Variants in BRINP3 observed in about 807,000 individuals in gnomAD.
BRINP3 encodes the protein BMP/retinoic acid-inducible neural-specific protein 3.
A neutral mutation model predicts 71.0 loss-of-function variants in BRINP3; 19 were observed. That is an observed-to-expected ratio of 0.27 (90% CI 0.19 to 0.39). The LOEUF is 0.39. BRINP3 is among the 10% of genes least tolerant of loss of function. The probability of loss-of-function intolerance (pLI) is 1.00; values close to 1 mark genes in which losing one functional copy is unlikely to be tolerated. For synonymous variants in BRINP3, 380 were observed against 337.7 expected (o/e 1.13, Z -1.37); for missense variants, 959 against 940.8 (o/e 1.02, Z -0.25).
At chr1:190,362,734 A>C (rs1669229807) in intron 2 of BRINP3, among the ~76,000 whole-genome samples, 1 of 152,120 alleles carries the variant, frequency 6.6e-6, no homozygotes, top group Non-Finnish European at 1.5e-5. Context: ...TATAAGGGAA[A>C]ACCCCTTTTG....
chr1:190,141,234 A>G (rs1430151925), intron 7 of BRINP3, among the ~76,000 whole-genome samples: 3 of 152,074 alleles, frequency 2.0e-5, no homozygotes, highest in Admixed American at 2.0e-4. Context: ...AAATTTTGCC[A>G]TTAAGATATT....
chr1:190,202,703 T>TA (rs559419058), intron 6 of BRINP3, among the ~76,000 whole-genome samples: 3 of 152,042 alleles, frequency 2.0e-5, no homozygotes, highest in Admixed American at 6.6e-5. Context: ...CTGATGGTTT[T>TA]AAAAAATGGG....
intron 4 of BRINP3, among the ~76,000 whole-genome samples, chr1:190,242,548 C>T (rs190940431): frequency 3.7e-4 from 57 of 152,004 alleles, no homozygotes; most frequent in Non-Finnish European, 8.8e-5. Flanking sequence ...TGCATCTATG[C>T]AAATTACTTG....
At chr1:190,397,269 A>G (rs1671641824) in intron 2 of BRINP3, among the ~76,000 whole-genome samples, 1 of 151,992 alleles carries the variant, frequency 6.6e-6, no homozygotes, top group South Asian at 2.1e-4. Context: ...TTCATGTTCT[A>G]CTATCACCAA....
chr1:190,345,878 T>C (rs1667992411), intron 2 of BRINP3, among the ~76,000 whole-genome samples: 1 of 151,838 alleles, frequency 6.6e-6, no homozygotes, highest in Non-Finnish European at 1.5e-5. Context: ...GTCCTAAAAT[T>C]GATTCCAAAT....
intron 5 of BRINP3, among the ~76,000 whole-genome samples, chr1:190,227,522 G>A (rs1022315347): frequency 1.3e-5 from 2 of 151,594 alleles, no homozygotes; most frequent in Admixed American, 1.3e-4. Flanking sequence ...GATATCTGCA[G>A]TATATTTAAG....
At chr1:190,244,232 T>A (rs953455564) in intron 4 of BRINP3, among the ~76,000 whole-genome samples, 3 of 152,092 alleles carry the variant, frequency 2.0e-5, no homozygotes, top group African/African-American at 7.2e-5. Flanking sequence ...GACTAACTTA[T>A]AATTGTGCAA....
intron 7 of BRINP3, among the ~76,000 whole-genome samples, chr1:190,122,438 TAGG>T (rs1653744096): frequency 6.6e-6 from 1 of 151,878 alleles, no homozygotes. Flanking sequence ...CTTATAAGAA[TAGG>T]AGATTACAGA....
intron 2 of BRINP3, among the ~76,000 whole-genome samples, chr1:190,384,250 T>A (rs866109715): frequency 1.1e-4 from 16 of 151,882 alleles, no homozygotes; most frequent in Middle Eastern, 3.4e-3. Flanking sequence ...CAAAAGTGGA[T>A]CTAAAGAAAA....
intron 3 of BRINP3, among the ~76,000 whole-genome samples, chr1:190,275,674 T>C (rs900519044): frequency 2.0e-5 from 3 of 151,674 alleles, no homozygotes; most frequent in African/African-American, 7.3e-5. Context: ...ATCTACCTTA[T>C]CAATGTGCTA....
intron 2 of BRINP3, among the ~76,000 whole-genome samples, chr1:190,442,660 G>A (rs1025971525): frequency 1.3e-5 from 2 of 152,102 alleles, no homozygotes; most frequent in African/African-American, 2.4e-5. Context: ...TTACGTGTGT[G>A]TGTGTGATTA....
intron 1 of BRINP3, among the ~76,000 whole-genome samples, chr1:190,475,427 G>A (rs1677432704): frequency 6.6e-6 from 1 of 152,140 alleles, no homozygotes; most frequent in African/African-American, 2.4e-5. Flanking sequence ...ACCCCCTGGC[G>A]CACCCCACTC....
At chr1:190,158,854 G>C (rs1437778011) in intron 7 of BRINP3, among the ~76,000 whole-genome samples, 1 of 151,076 alleles carries the variant, frequency 6.6e-6, no homozygotes, top group Admixed American at 6.6e-5. Flanking sequence ...TAGCTAAACT[G>C]ACCACAGGGA....
At chr1:190,369,825 A>G (rs983074225) in intron 2 of BRINP3, among the ~76,000 whole-genome samples, 1 of 152,162 alleles carries the variant, frequency 6.6e-6, no homozygotes, top group African/African-American at 2.4e-5. Context: ...ATGCTTCATA[A>G]TGTTAAATAT....
intron 2 of BRINP3, among the ~76,000 whole-genome samples, chr1:190,292,826 T>A (rs1188462304): frequency 1.3e-5 from 2 of 152,130 alleles, no homozygotes; most frequent in Non-Finnish European, 2.9e-5. Context: ...GTTTTCCAAT[T>A]TGTTAGCATA....
At chr1:190,189,028 G>C (rs1433608846) in intron 6 of BRINP3, among the ~76,000 whole-genome samples, 1 of 152,090 alleles carries the variant, frequency 6.6e-6, no homozygotes, top group Non-Finnish European at 1.5e-5. Flanking sequence ...CCAAAGTGCT[G>C]GGATTACAGG....
intron 2 of BRINP3, among the ~76,000 whole-genome samples, chr1:190,442,617 G>C (rs1674900592): frequency 6.6e-6 from 1 of 152,126 alleles, no homozygotes; most frequent in South Asian, 2.1e-4. Context: ...GACAAATTAA[G>C]AAAATTGGAT....
At chr1:190,103,059 C>T (rs372072825) in intron 7 of BRINP3, among the ~76,000 whole-genome samples, 67 of 152,168 alleles carry the variant, frequency 4.4e-4, no homozygotes, top group African/African-American at 1.5e-3. Flanking sequence ...ACAGGATACA[C>T]ATTATACATG....
At chr1:190,223,479 T>G (rs189933574) in intron 6 of BRINP3, among the ~76,000 whole-genome samples, 98 of 151,898 alleles carry the variant, frequency 6.5e-4, no homozygotes, top group African/African-American at 2.2e-3. Context: ...TGATAAAAAC[T>G]CTCATCAAAA....
Sources: allele counts gnomAD v4.1 joint callset (sites outside exome capture counted in the v4.1 genomes callset), GRCh38; gene constraint gnomAD v4.1.1; transcripts MANE v1.5; gene names NCBI Gene and HGNC (gene_info 2026-07-23, HGNC 2026-07-21).